Variants in KPNA6 observed in about 807,000 individuals in gnomAD.
KPNA6 encodes the protein karyopherin subunit alpha 6, also known as importin subunit alpha-7.
In KPNA6, 9 loss-of-function variants were observed where a neutral mutation model predicts 72.0. The ratio of observed to expected loss-of-function variants is 0.13; its 90% CI spans 0.08 to 0.22. The LOEUF is 0.22. KPNA6 is among the 10% of genes least tolerant of loss of function. The probability of loss-of-function intolerance (pLI) is 1.00; values close to 1 mark genes in which losing one functional copy is unlikely to be tolerated. For synonymous variants in KPNA6, 219 were observed against 242.1 expected (o/e 0.90, Z 0.89); for missense variants, 374 against 655.7 (o/e 0.57, Z 4.69).
chr1:32,154,565 G>A, intron 1 of KPNA6, 23 bp from the exon 2 acceptor site: 1 of 1,608,248 alleles, frequency 6.2e-7, no homozygotes, highest in Non-Finnish European at 8.5e-7. Flanking sequence ...AGAGTTTTTG[G>A]CAGTGTGTAT....
chr1:32,176,400 T>A lies in KPNA6; in HGVS notation c.*5506T>A, dbSNP rs1172528282. Reference sequence around the variant, plus strand: ...GGGCCCCTGGGTAGACAGACACAGCTTGATTTCAGAGCAGACATAGGCGAA... The same window carrying A: ...GGGCCCCTGGGTAGACAGACACAGCATGATTTCAGAGCAGACATAGGCGAA... On this transcript the variant is annotated 3_prime_UTR_variant, in exon 14 of 14. Coordinates refer to ENST00000373625, the MANE Select transcript of KPNA6 (RefSeq NM_012316.5). 6.6e-6 allele frequency: 1 copy of A among 152,374 alleles called. No individual in the cohort carries two copies. Among genetic ancestry groups the A allele is most frequent in the Non-Finnish European group, 1.5e-5 (1 of 68,036 alleles). 9.4% of individuals were successfully genotyped at this position (152,374 alleles called of 1,614,324 possible).
At chr1:32,128,402 T>TATATATATATATATATATAC (rs1641575208) in intron 1 of KPNA6, among the ~76,000 whole-genome samples, 1 of 124,262 alleles carries the variant, frequency 8.0e-6, no homozygotes, top group Non-Finnish European at 1.7e-5. Context: ...TATATATATA[T>TATATATATATATATATATAC]ATATATATAT....
At chr1:32,144,333 T>C (rs1217106507) in intron 1 of KPNA6, among the ~76,000 whole-genome samples, 1 of 152,220 alleles carries the variant, frequency 6.6e-6, no homozygotes, top group Non-Finnish European at 1.5e-5. Flanking sequence ...TTACTTGGAA[T>C]AGTATGAAAT....
intron 1 of KPNA6, among the ~76,000 whole-genome samples, chr1:32,140,037 A>G (rs72666756): frequency 0.13 from 19,669 of 152,204 alleles, 1,710 homozygotes; most frequent in South Asian, 0.25. Flanking sequence ...TTTGAATATG[A>G]ACTAGATATT....
At chr1:32,153,609 A>G (rs1642079973) in intron 1 of KPNA6, among the ~76,000 whole-genome samples, 1 of 151,980 alleles carries the variant, frequency 6.6e-6, no homozygotes, top group Admixed American at 6.6e-5. Flanking sequence ...ATATTTAAAA[A>G]TACAGAAACA....
intron 1 of KPNA6, among the ~76,000 whole-genome samples, chr1:32,145,342 T>TTTTTTTTTA (rs1641912341): frequency 6.6e-6 from 1 of 151,336 alleles, no homozygotes; most frequent in African/African-American, 2.4e-5. Flanking sequence ...TTTTTTTTTT[T>TTTTTTTTTA]GGAGATGGAG....
rs1278641804 is a variant in KPNA6 at position 32,175,430 on chromosome 1, A to C, written c.*4536A>C. On this transcript the variant is annotated 3_prime_UTR_variant, in exon 14 of 14. Coordinates refer to ENST00000373625, the MANE Select transcript of KPNA6 (RefSeq NM_012316.5). ...CCATGGCCTGGGGGGCATTGAAGGA[A>C]GTAAGCTCTCAGAGATCCTAACACT... The C allele has an allele frequency of 1.3e-5, 2 of 152,272 alleles. No individual in the cohort carries two copies. Among genetic ancestry groups the C allele is most frequent in the Non-Finnish European group, 2.9e-5 (2 of 68,110 alleles). The allele number at this position is 152,272 out of a possible 1,614,324, so 9.4% of individuals were successfully genotyped here. A position where few individuals can be genotyped will look rare whatever the true frequency, so the allele number is the denominator to read the frequency against.
intron 1 of KPNA6, among the ~76,000 whole-genome samples, chr1:32,112,676 A>G (rs949870133): frequency 9.9e-5 from 15 of 152,064 alleles, no homozygotes; most frequent in African/African-American, 3.6e-4. Flanking sequence ...TATTTTTAGT[A>G]GAGACGGAGT....
At chr1:32,153,833 T>C (rs1642084389) in intron 1 of KPNA6, among the ~76,000 whole-genome samples, 1 of 152,126 alleles carries the variant, frequency 6.6e-6, no homozygotes, top group African/African-American at 2.4e-5. Flanking sequence ...TACCTACAAC[T>C]GAGTAATTCA....
At chr1:32,169,624 T>TG (rs1023959659) in intron 12 of KPNA6, among the ~76,000 whole-genome samples, 3 of 150,492 alleles carry the variant, frequency 2.0e-5, no homozygotes, top group African/African-American at 7.3e-5. Flanking sequence ...TTTTTTTTTT[T>TG]TTTTTGTATT....
intron 1 of KPNA6, among the ~76,000 whole-genome samples, chr1:32,119,033 T>TATATATA (rs1491488662): frequency 2.4e-4 from 9 of 36,814 alleles, no homozygotes; most frequent in South Asian, 9.2e-4. Flanking sequence ...TATATATATA[T>TATATATA]TTTTTTTTTT....
At chr1:32,108,868 G>GCTT (rs1416018667) in intron 1 of KPNA6, among the ~76,000 whole-genome samples, 1 of 152,220 alleles carries the variant, frequency 6.6e-6, no homozygotes, top group Non-Finnish European at 1.5e-5. Context: ...GACTCCGGCT[G>GCTT]GCAAGGCCTC....
chr1:32,134,807 A>G (rs2123995403), intron 1 of KPNA6, among the ~76,000 whole-genome samples: 1 of 152,100 alleles, frequency 6.6e-6, no homozygotes, highest in African/African-American at 2.4e-5. Context: ...AATAGAAAGT[A>G]CCTTAGTGAT....
intron 1 of KPNA6, among the ~76,000 whole-genome samples, chr1:32,123,140 G>A (rs1051265587): frequency 4.6e-5 from 7 of 152,104 alleles, no homozygotes; most frequent in African/African-American, 1.7e-4. Flanking sequence ...CTGATTGGAT[G>A]TGATTGGATG....
At chr1:32,140,897 A>G (rs1641825107) in intron 1 of KPNA6, among the ~76,000 whole-genome samples, 1 of 152,228 alleles carries the variant, frequency 6.6e-6, no homozygotes, top group Non-Finnish European at 1.5e-5. Context: ...TTCTTATGGC[A>G]TCTTTGGTAA....
chr1:32,158,156 A>C (rs1463055689), intron 4 of KPNA6, 111 bp from the exon 5 acceptor site: 1 of 664,924 alleles, frequency 1.5e-6, no homozygotes, highest in African/African-American at 1.8e-5. Flanking sequence ...GGAGTTTGGG[A>C]ATGTTTGTAA....
Position 32,152,197 on chromosome 1 carries a change from T to C in KPNA6, c.5-2391T>C, listed in dbSNP as rs1570048110. ...AAACGTAAAGATTAGCCACTCATGG[T>C]AGTACGAGCCTGTAGTCCCAGCTAC... On this transcript the variant is annotated intron_variant, in intron 1 of 13. Coordinates refer to ENST00000373625, the MANE Select transcript of KPNA6 (RefSeq NM_012316.5). Among the ~76,000 whole-genome samples, 5 of 152,234 alleles carry C rather than the reference T, an allele frequency of 3.3e-5. No individual in the cohort carries two copies. The South Asian group carries it at 1.0e-3, about 32-fold the overall frequency.
At chr1:32,146,164 A>C (rs548133479) in intron 1 of KPNA6, among the ~76,000 whole-genome samples, 2 of 152,342 alleles carry the variant, frequency 1.3e-5, no homozygotes, top group African/African-American at 2.4e-5. Flanking sequence ...TCTTCTGTCT[A>C]GGTGTTCTGT....
chr1:32,143,384 AT>A (rs1050661323), intron 1 of KPNA6, among the ~76,000 whole-genome samples: 3 of 151,938 alleles, frequency 2.0e-5, no homozygotes, highest in African/African-American at 7.2e-5. Context: ...AAAAAAAATT[AT>A]TCCAGCCTGG....
Sources: gnomAD v4.1 joint callset for allele counts (sites outside exome capture counted in the v4.1 genomes callset) on GRCh38, gnomAD v4.1.1 for gene constraint, MANE v1.5 for transcripts, NCBI Gene and HGNC (gene_info 2026-07-23, HGNC 2026-07-21) for gene names.